Variants in TLL1 observed in about 807,000 individuals in gnomAD.
TLL1 encodes tolloid like 1, also known as tolloid-like protein 1.
TLL1 carries 49 observed loss-of-function variants against 128.2 expected under a neutral mutation model. That is an observed-to-expected ratio of 0.38 (90% CI 0.30 to 0.48). The LOEUF is 0.48. Ranked by LOEUF, TLL1 falls within the 20% of genes least tolerant of loss-of-function variation. TLL1 has a pLI of 0.96. For missense variants in TLL1, 1,123 were observed against 1,242.0 expected, an observed-to-expected ratio of 0.90 and a Z score of 1.44; for synonymous variants, 454 against 418.8, an observed-to-expected ratio of 1.08 and a Z score of -1.03.
intron 1 of TLL1, among the ~76,000 whole-genome samples, chr4:165,887,234 G>T (rs554740188): frequency 6.6e-6 from 1 of 152,274 alleles, no homozygotes; most frequent in Admixed American, 6.5e-5. Context: ...TAAAGAGTGA[G>T]CTGGTGTAGT....
intron 1 of TLL1, among the ~76,000 whole-genome samples, chr4:165,934,682 G>A (rs1480559367): frequency 6.6e-6 from 1 of 152,188 alleles, no homozygotes; most frequent in East Asian, 1.9e-4. Flanking sequence ...TTTAACACCT[G>A]GGTTGATTTG....
chr4:165,896,763 G>A lies in TLL1; in HGVS notation c.169+22690G>A, dbSNP rs144475239. On this transcript the variant is annotated intron_variant, in intron 1 of 20. Transcript: ENST00000061240. ...ATCCCCAAGTGCTGGCATTACAGGC[G>A]TGAGGCACCGCACCTGGCTGTCAAA... 1.0e-3 allele frequency among the ~76,000 whole-genome samples: 154 copies of A among 152,158 alleles called. 1 individual carries two copies. In the East Asian group the frequency reaches 0.024, roughly 23 times the overall value.
chr4:166,065,178 C>A (rs1325492272), intron 15 of TLL1, among the ~76,000 whole-genome samples: 1 of 152,036 alleles, frequency 6.6e-6, no homozygotes, highest in African/African-American at 2.4e-5. Context: ...TGTTTGCAGT[C>A]CTGCAGCAAC....
At chr4:166,005,883 G>A (rs1176589368) in intron 6 of TLL1, among the ~76,000 whole-genome samples, 1 of 151,814 alleles carries the variant, frequency 6.6e-6, no homozygotes, top group Admixed American at 6.6e-5. Context: ...ATAAATAAAT[G>A]CGCAATCCTA....
chr4:165,882,085 G>C (rs1730991695), intron 1 of TLL1, among the ~76,000 whole-genome samples: 1 of 152,076 alleles, frequency 6.6e-6, no homozygotes, highest in Non-Finnish European at 1.5e-5. Context: ...CAAATATGCT[G>C]TGTGAAGTTA....
intron 4 of TLL1, 38 bp from the exon 5 acceptor site, chr4:165,995,023 G>A (rs1275537604): frequency 6.5e-7 from 1 of 1,544,946 alleles, no homozygotes. Flanking sequence ...TCTTCCTGGG[G>A]ATGCCACCTT....
At chr4:166,071,706 C>A (rs1039840294) in intron 16 of TLL1, among the ~76,000 whole-genome samples, 11 of 151,846 alleles carry the variant, frequency 7.2e-5, no homozygotes, top group African/African-American at 2.7e-4. Flanking sequence ...AAAGTGAAAA[C>A]AGAAGTTAAT....
chr4:165,941,935 G>A (rs1225079735), intron 1 of TLL1, among the ~76,000 whole-genome samples: 3 of 151,940 alleles, frequency 2.0e-5, no homozygotes, highest in South Asian at 4.1e-4. Context: ...ATTAGTAATA[G>A]CAAATGATTC....
At chr4:165,899,868 A>C (rs906920128) in intron 1 of TLL1, among the ~76,000 whole-genome samples, 1 of 152,114 alleles carries the variant, frequency 6.6e-6, no homozygotes, top group Non-Finnish European at 1.5e-5. Context: ...GTCTCTTTGT[A>C]GGTCTCTAAG....
intron 1 of TLL1, among the ~76,000 whole-genome samples, chr4:165,904,331 T>C (rs1342170369): frequency 6.6e-6 from 1 of 152,222 alleles, no homozygotes; most frequent in Non-Finnish European, 1.5e-5. Flanking sequence ...TTCAGGTCTC[T>C]TGGTTTCTAA....
At chr4:165,896,820 C>T (rs550542984) in intron 1 of TLL1, among the ~76,000 whole-genome samples, 9 of 152,114 alleles carry the variant, frequency 5.9e-5, no homozygotes, top group African/African-American at 1.9e-4. Context: ...CTTGATGAAT[C>T]GCCACACTGT....
chr4:166,027,756 T>C (rs1395620498), intron 9 of TLL1, among the ~76,000 whole-genome samples: 2 of 152,136 alleles, frequency 1.3e-5, no homozygotes, highest in African/African-American at 4.8e-5. Context: ...CCTCATAGAA[T>C]ATGAAAAGTT....
intron 1 of TLL1, among the ~76,000 whole-genome samples, chr4:165,959,534 A>G (rs1291936340): frequency 3.3e-5 from 5 of 152,158 alleles, no homozygotes; most frequent in African/African-American, 4.8e-5. Context: ...CAACTAAAGA[A>G]TATACATTCT....
At chr4:165,894,262 C>A (rs1209421264) in intron 1 of TLL1, among the ~76,000 whole-genome samples, 1 of 152,054 alleles carries the variant, frequency 6.6e-6, no homozygotes, top group African/African-American at 2.4e-5. Flanking sequence ...TGTCACATTA[C>A]AATCAAGTTG....
intron 1 of TLL1, among the ~76,000 whole-genome samples, chr4:165,918,186 G>A (rs1035591005): frequency 2.0e-5 from 3 of 152,038 alleles, no homozygotes; most frequent in East Asian, 1.9e-4. Context: ...CAGTTCAATC[G>A]TTGTGTAATT....
At position 166,100,798 on chromosome 4, in the gene TLL1, T is replaced by C. The variant is rs578172463; in HGVS notation, c.2964T>C (p.Asp988=). 18 of 1,613,140 alleles carry C rather than the reference T, an allele frequency of 1.1e-5. No homozygotes were observed. The East Asian group carries it at 3.6e-4, about 32-fold the overall frequency. ...GDSVLIHFHT[D]DTINKKGFHI... The stretch of plus-strand genomic sequence containing the variant: ...CAGTTTTAATTCATTTCCACACTGA[T>C]GACACAATCAACAAGAAGGGATTTC... Residue 988 remains aspartate (D), a synonymous_variant, in exon 21 of 21, where the codon GAT becomes GAC. Transcript: ENST00000061240.
rs939210422 is a variant in TLL1, at chr4:166,059,518, T to C, written c.1847-510T>C. On this transcript the variant is annotated intron_variant, in intron 14 of 20. Coordinates refer to ENST00000061240, the MANE Select transcript of TLL1 (RefSeq NM_012464.5). ...TTATCTTGTCTGGTAGCTCAGGTAA[T>C]ATTGAGTTACTTGTCTTGGAAAAAA... Among the ~76,000 whole-genome samples the C allele has an allele frequency of 2.0e-5, 3 of 152,172 alleles. 1 individual carries two copies. Among genetic ancestry groups the C allele is most frequent in the Admixed American group, 2.0e-4 (3 of 15,274 alleles).
rs1167282659 is a variant in TLL1 at position 166,042,283 on chromosome 4, G to A, written c.1378+140G>A. The A allele has an allele frequency of 1.1e-5, 7 of 632,504 alleles. No individual in the cohort carries two copies. In the East Asian group the frequency reaches 2.3e-4, roughly 21 times the overall value. The allele number at this position is 632,504 out of a possible 1,614,324, so 39.2% of individuals were successfully genotyped here. On this transcript the variant is annotated intron_variant, in intron 11 of 20. Coordinates refer to ENST00000061240, the MANE Select transcript of TLL1 (RefSeq NM_012464.5). ...GAATCTGTATTATAATATTCATACAGATAATTTTAACAGTAAATTTAAATT... is the reference window on the plus strand; with the variant it reads ...GAATCTGTATTATAATATTCATACAAATAATTTTAACAGTAAATTTAAATT...
chr4:166,037,723 G>A (rs771391418), intron 9 of TLL1, among the ~76,000 whole-genome samples: 22 of 151,834 alleles, frequency 1.4e-4, no homozygotes, highest in Admixed American at 6.6e-4. Flanking sequence ...GATGAGAATC[G>A]CTTCAACCCG....
Sources: gnomAD v4.1 joint callset for allele counts (sites outside exome capture counted in the v4.1 genomes callset) on GRCh38, gnomAD v4.1.1 for gene constraint, MANE v1.5 for transcripts, NCBI Gene and HGNC (gene_info 2026-07-23, HGNC 2026-07-21) for gene names.